The following CADPS2 variants were observed in gnomAD, a reference collection of about 807,000 sequenced individuals.
CADPS2 encodes the protein calcium dependent secretion activator 2.
Under a neutral mutation model 172.5 loss-of-function variants are expected in CADPS2, and 93 were observed. That is an observed-to-expected ratio of 0.54 (90% CI 0.46 to 0.64). The LOEUF is 0.64. CADPS2 is among the 30% of genes least tolerant of loss of function. CADPS2 has a pLI of 0.00. For synonymous variants in CADPS2, 546 were observed against 555.2 expected (o/e 0.98, Z 0.23); for missense variants, 1,420 against 1,565.9 (o/e 0.91, Z 1.57).
intron 14 of CADPS2, among the ~76,000 whole-genome samples, chr7:122,470,401 C>A (rs1031984321): frequency 2.0e-5 from 3 of 152,024 alleles, no homozygotes; most frequent in Admixed American, 6.6e-5. Flanking sequence ...GAGACATTAA[C>A]ACAAATAATG....
chr7:122,848,107 T>A (rs745549444), intron 1 of CADPS2, among the ~76,000 whole-genome samples: 7 of 152,238 alleles, frequency 4.6e-5, no homozygotes, highest in African/African-American at 7.2e-5. Context: ...CTATAGCTAA[T>A]GTCTTAATCT....
Position 122,441,696 on chromosome 7 carries a change from G to A in CADPS2, c.2289-121C>T, listed in dbSNP as rs1037819120. On this transcript the variant is annotated intron_variant, in intron 15 of 29. Transcript: ENST00000449022. ...CATGAAACAAACAGAAAATATTATA[G>A]CATGAACTCATCCAGGGAAATTTTA... 10 of 540,276 alleles carry A rather than the reference G, an allele frequency of 1.9e-5. No homozygotes were observed. In the African/African-American group the frequency reaches 1.9e-4, roughly 10 times the overall value. 33.5% of individuals were successfully genotyped at this position (540,276 alleles called of 1,614,324 possible). A position where few individuals can be genotyped will look rare whatever the true frequency, so the allele number is the denominator to read the frequency against.
At chr7:122,436,078 A>C (rs1421520961) in intron 17 of CADPS2, among the ~76,000 whole-genome samples, 1 of 152,110 alleles carries the variant, frequency 6.6e-6, no homozygotes, top group Non-Finnish European at 1.5e-5. Flanking sequence ...GCAATATAGT[A>C]CACTTTAAGA....
intron 6 of CADPS2, among the ~76,000 whole-genome samples, chr7:122,589,528 T>C (rs1162209204): frequency 6.6e-6 from 1 of 151,920 alleles, no homozygotes; most frequent in African/African-American, 2.4e-5. Context: ...GGCCCAAGTA[T>C]ATAAAAGGCT....
intron 1 of CADPS2, among the ~76,000 whole-genome samples, chr7:122,863,509 G>C (rs991207095): frequency 6.6e-6 from 1 of 152,068 alleles, no homozygotes; most frequent in African/African-American, 2.4e-5. Flanking sequence ...GTCTACTAGG[G>C]AGTATTAATA....
chr7:122,660,123 A>G (rs550960368), intron 3 of CADPS2, among the ~76,000 whole-genome samples: 5 of 152,284 alleles, frequency 3.3e-5, no homozygotes, highest in African/African-American at 9.6e-5. Context: ...TATTTTTCTT[A>G]TTTTTAATTG....
At chr7:122,722,198 C>T (rs1025557406) in intron 2 of CADPS2, among the ~76,000 whole-genome samples, 5 of 152,098 alleles carry the variant, frequency 3.3e-5, no homozygotes, top group Admixed American at 1.3e-4. Flanking sequence ...CCAGGGCAAT[C>T]AGGCAGGAGA....
intron 28 of CADPS2, among the ~76,000 whole-genome samples, chr7:122,331,507 C>T (rs1009843876): frequency 4.6e-5 from 7 of 152,098 alleles, no homozygotes; most frequent in Admixed American, 2.6e-4. Flanking sequence ...GGTGCTGTGA[C>T]GTGTGCCTGT....
rs879764850 is a variant in CADPS2, at chr7:122,886,412, G to A, written c.-75C>T. 8 of 1,429,816 alleles carry A rather than the reference G, an allele frequency of 5.6e-6. No individual in the cohort carries two copies. Among genetic ancestry groups the A allele is most frequent in the South Asian group, 1.4e-5 (1 of 70,476 alleles). 88.6% of individuals were successfully genotyped at this position (1,429,816 alleles called of 1,614,324 possible). A position where few individuals can be genotyped will look rare whatever the true frequency, so the allele number is the denominator to read the frequency against. Reference sequence around the variant, plus strand: ...CCCCGGCGGCTGCGCCCGCGGGTCTGAGGGAGCCGCGGGGCTGGCTGCAGC... The same window carrying A: ...CCCCGGCGGCTGCGCCCGCGGGTCTAAGGGAGCCGCGGGGCTGGCTGCAGC... On this transcript the variant is annotated 5_prime_UTR_variant, in exon 1 of 30. Transcript: ENST00000449022.
chr7:122,589,952 A>G (rs1041853695), intron 6 of CADPS2, among the ~76,000 whole-genome samples: 4 of 151,924 alleles, frequency 2.6e-5, no homozygotes, highest in African/African-American at 9.7e-5. Flanking sequence ...AGTATAGAGC[A>G]CTGAATTTTG....
chr7:122,681,948 C>T (rs1019363163), intron 2 of CADPS2, among the ~76,000 whole-genome samples: 2 of 151,616 alleles, frequency 1.3e-5, no homozygotes, highest in Non-Finnish European at 2.9e-5. Context: ...GAAAATAATA[C>T]ATACACATGG....
At chr7:122,522,647 CA>C (rs1045187986) in intron 8 of CADPS2, among the ~76,000 whole-genome samples, 1 of 152,074 alleles carries the variant, frequency 6.6e-6, no homozygotes, top group African/African-American at 2.4e-5. Flanking sequence ...TGCTATTAAA[CA>C]GTAGAACTTA....
At chr7:122,636,686 G>A (rs986453815) in intron 3 of CADPS2, among the ~76,000 whole-genome samples, 3 of 152,008 alleles carry the variant, frequency 2.0e-5, no homozygotes, top group African/African-American at 4.8e-5. Context: ...GACTGGTCTC[G>A]AACTCCTGAC....
intron 6 of CADPS2, among the ~76,000 whole-genome samples, chr7:122,588,306 T>C (rs557597221): frequency 6.6e-6 from 1 of 152,088 alleles, no homozygotes; most frequent in South Asian, 2.1e-4. Flanking sequence ...TGCCTACATT[T>C]TCTTCTAGGG....
intron 2 of CADPS2, among the ~76,000 whole-genome samples, chr7:122,735,309 G>A (rs2092070171): frequency 6.6e-6 from 1 of 152,064 alleles, no homozygotes; most frequent in African/African-American, 2.4e-5. Context: ...AACCGAATCT[G>A]TCTACAGGCT....
chr7:122,504,230 T>C (rs976115699), intron 9 of CADPS2, among the ~76,000 whole-genome samples: 2 of 152,206 alleles, frequency 1.3e-5, no homozygotes, highest in Non-Finnish European at 2.9e-5. Flanking sequence ...TTTGAGAGAA[T>C]TGGAGAGAAC....
At chr7:122,517,708 T>C (rs933296856) in intron 8 of CADPS2, among the ~76,000 whole-genome samples, 1 of 152,090 alleles carries the variant, frequency 6.6e-6, no homozygotes, top group Non-Finnish European at 1.5e-5. Flanking sequence ...TAAGCTTTCA[T>C]GCTTAAATGG....
At chr7:122,717,818 T>C (rs1266372116) in intron 2 of CADPS2, among the ~76,000 whole-genome samples, 1 of 152,028 alleles carries the variant, frequency 6.6e-6, no homozygotes, top group Non-Finnish European at 1.5e-5. Flanking sequence ...CATTCTTTTT[T>C]GTCTGTTTGA....
intron 1 of CADPS2, among the ~76,000 whole-genome samples, chr7:122,836,527 G>GGAGACACATCTCACGTGCA (rs1808482857): frequency 6.6e-6 from 1 of 152,126 alleles, no homozygotes. Context: ...GCTGTCTTCA[G>GGAGACACATCTCACGTGCA]GAGACACATC....
Sources: allele counts gnomAD v4.1 joint callset (sites outside exome capture counted in the v4.1 genomes callset), GRCh38; gene constraint gnomAD v4.1.1; transcripts MANE v1.5; gene names NCBI Gene and HGNC (gene_info 2026-07-23, HGNC 2026-07-21).